PDE7B: variants seen among roughly 807,000 people sequenced by gnomAD.
PDE7B encodes the protein phosphodiesterase 7B.
Under a neutral mutation model 56.2 loss-of-function variants are expected in PDE7B, and 29 were observed. The ratio of observed to expected loss-of-function variants is 0.52; its 90% CI spans 0.38 to 0.70. The LOEUF (loss-of-function observed/expected upper bound fraction) is 0.70, where lower values mean the gene tolerates loss of function less well. Among genes scored for constraint, PDE7B ranks in the 30% least tolerant of loss-of-function variants. The pLI, the probability that PDE7B is intolerant of heterozygous loss-of-function variation, is 0.00. For synonymous variants in PDE7B, 197 were observed against 196.9 expected (o/e 1.00, Z 0.00); for missense variants, 490 against 565.0 (o/e 0.87, Z 1.35).
chr6:135,992,210 TAAA>T (rs11286794), intron 2 of PDE7B, among the ~76,000 whole-genome samples: 11 of 142,410 alleles, frequency 7.7e-5, no homozygotes, highest in African/African-American at 2.0e-4. Context: ...CCTGATGAGC[TAAA>T]AAAAAAAAAA....
At chr6:136,125,696 A>G (rs1025660941) in intron 3 of PDE7B, among the ~76,000 whole-genome samples, 1 of 152,206 alleles carries the variant, frequency 6.6e-6, no homozygotes, top group African/African-American at 2.4e-5. Flanking sequence ...ACTAAAGGCA[A>G]GAGCATGACT....
chr6:135,934,876 A>AATATTTATTTAAATATATAT (rs1432053322), intron 1 of PDE7B, among the ~76,000 whole-genome samples: 5 of 99,190 alleles, frequency 5.0e-5, no homozygotes, highest in African/African-American at 2.0e-4. Flanking sequence ...AATATATATA[A>AATATTTATTTAAATATATAT]ATATTTATTT....
At chr6:136,068,517 G>T (rs1391394253) in intron 2 of PDE7B, among the ~76,000 whole-genome samples, 1 of 136,696 alleles carries the variant, frequency 7.3e-6, no homozygotes, top group Non-Finnish European at 1.5e-5. Flanking sequence ...TGCAAGCTCC[G>T]CCTCCCGGGT....
intron 2 of PDE7B, among the ~76,000 whole-genome samples, chr6:135,980,592 C>T (rs1207040947): frequency 4.0e-5 from 6 of 151,782 alleles, no homozygotes; most frequent in Non-Finnish European, 7.4e-5. Flanking sequence ...AACAAATTTA[C>T]AAGAAACAAC....
At chr6:135,870,413 G>C (rs911512656) in intron 1 of PDE7B, among the ~76,000 whole-genome samples, 1 of 151,908 alleles carries the variant, frequency 6.6e-6, no homozygotes, top group Non-Finnish European at 1.5e-5. Context: ...GCCTACCTTA[G>C]AGGATTGCCA....
rs551780671 is a variant in PDE7B, at chr6:135,912,109, C to T, written c.22-35355C>T. Among the ~76,000 whole-genome samples the T allele has an allele frequency of 3.2e-4, 49 of 152,262 alleles. No individual in the cohort carries two copies. In the South Asian group the frequency reaches 8.9e-3, roughly 28 times the overall value. On this transcript the variant is annotated intron_variant, in intron 1 of 12. Coordinates refer to ENST00000308191, the MANE Select transcript of PDE7B (RefSeq NM_018945.4). ...TAGCCCTCACTTTCCACCACACACA[C>T]GTTAACACATGTAAATGTCCATGCA... is the stretch of plus-strand genomic sequence containing the variant.
chr6:135,890,856 C>T (rs887041808), intron 1 of PDE7B, among the ~76,000 whole-genome samples: 15 of 152,070 alleles, frequency 9.9e-5, no homozygotes, highest in African/African-American at 3.6e-4. Flanking sequence ...GCTGCTCTAC[C>T]CATGAGTATC....
At chr6:135,968,055 G>A (rs957946941) in intron 2 of PDE7B, among the ~76,000 whole-genome samples, 15 of 152,172 alleles carry the variant, frequency 9.9e-5, no homozygotes, top group African/African-American at 3.1e-4. Flanking sequence ...AACAAATGAC[G>A]CAAGCATCTC....
At position 135,881,780 on chromosome 6, in the gene PDE7B, T is replaced by A. The variant is rs554618749; in HGVS notation, c.21+29761T>A. The stretch of plus-strand genomic sequence containing the variant: ...TTTCTCTACATTACATGGGATTTTA[T>A]TTTAGAAGAACTCAAAATACTCTAG... On this transcript the variant is annotated intron_variant, in intron 1 of 12. Coordinates refer to ENST00000308191, the MANE Select transcript of PDE7B (RefSeq NM_018945.4). Among the ~76,000 whole-genome samples, 3 of 152,328 alleles carry A rather than the reference T, an allele frequency of 2.0e-5. No homozygotes were observed. The South Asian group carries it at 6.2e-4, about 32-fold the overall frequency.
chr6:136,087,230 A>G (rs1448969929), intron 2 of PDE7B, among the ~76,000 whole-genome samples: 1 of 152,206 alleles, frequency 6.6e-6, no homozygotes, highest in Non-Finnish European at 1.5e-5. Context: ...AACACATCCA[A>G]GTGAATTTCA....
intron 8 of PDE7B, among the ~76,000 whole-genome samples, chr6:136,165,295 G>T (rs574674980): frequency 8.9e-4 from 135 of 152,294 alleles, no homozygotes; most frequent in African/African-American, 3.0e-3. Flanking sequence ...GTGTGTATGT[G>T]TGTTTCCAAC....
chr6:135,902,389 A>G (rs1305375604), intron 1 of PDE7B, among the ~76,000 whole-genome samples: 3 of 152,044 alleles, frequency 2.0e-5, no homozygotes, highest in African/African-American at 4.8e-5. Flanking sequence ...CTCAACTCAA[A>G]TTACACAATT....
intron 1 of PDE7B, among the ~76,000 whole-genome samples, chr6:135,906,810 GTTTTTTTTTT>G (rs869049424): frequency 8.4e-5 from 5 of 59,506 alleles, no homozygotes; most frequent in African/African-American, 2.1e-4. Flanking sequence ...AATGAGGTTT[GTTTTTTTTTT>G]TTTTTTTTTT....
chr6:135,999,564 C>G (rs1775629574), intron 2 of PDE7B, among the ~76,000 whole-genome samples: 1 of 151,890 alleles, frequency 6.6e-6, no homozygotes, highest in Non-Finnish European at 1.5e-5. Flanking sequence ...GCCTCCAGTT[C>G]CACCCATGTT....
At chr6:136,064,357 CT>C (rs2128213024) in intron 2 of PDE7B, 1 of 152,286 alleles carries the variant, frequency 6.6e-6, no homozygotes, top group African/African-American at 2.4e-5. Flanking sequence ...GTTTTTTAAT[CT>C]CTTAAATGCA....
intron 8 of PDE7B, 114 bp from the exon 9 acceptor site, chr6:136,173,683 G>C: frequency 1.4e-6 from 1 of 716,102 alleles, no homozygotes; most frequent in South Asian, 1.6e-5. Context: ...CTGCCTCTGG[G>C]TCATCAAGTA....
intron 1 of PDE7B, among the ~76,000 whole-genome samples, chr6:135,880,576 G>T (rs915765679): frequency 3.3e-5 from 5 of 152,140 alleles, no homozygotes; most frequent in African/African-American, 1.2e-4. Context: ...AGGATTGAAA[G>T]CAACGCTTGA....
rs185039798 is a variant in PDE7B at position 135,921,625 on chromosome 6, A to G, written c.22-25839A>G. ...TAATTCTTTATAAAAACAGGTTTCC[A>G]TTTTCTTTAAGAAACAAGGCTGATT... is the stretch of plus-strand genomic sequence containing the variant. On this transcript the variant is annotated intron_variant, in intron 1 of 12. Coordinates refer to ENST00000308191, the MANE Select transcript of PDE7B (RefSeq NM_018945.4). 3.9e-3 allele frequency among the ~76,000 whole-genome samples: 595 copies of G among 152,172 alleles called. 5 individuals carry two copies. Among genetic ancestry groups the G allele is most frequent in the African/African-American group, 0.014 (579 of 41,544 alleles).
In PDE7B at chr6:135,851,924, A is replaced by G; in HGVS notation, c.-75A>G. ...ATGAAGTTGCTGGATTCTGCAGCAC[A>G]AGTCTTCATGAACAAGCAGCACCGC... On this transcript the variant is annotated 5_prime_UTR_variant, in exon 1 of 13. Coordinates refer to ENST00000308191, the MANE Select transcript of PDE7B (RefSeq NM_018945.4). 9.8e-7 allele frequency: 1 copy of G among 1,020,340 alleles called. No individual in the cohort carries two copies. Among genetic ancestry groups the G allele is most frequent in the Non-Finnish European group, 1.6e-6 (1 of 641,356 alleles). The allele number at this position is 1,020,340 out of a possible 1,614,324, so 63.2% of individuals were successfully genotyped here.
Sources: allele counts gnomAD v4.1 joint callset (sites outside exome capture counted in the v4.1 genomes callset), GRCh38; gene constraint gnomAD v4.1.1; transcripts MANE v1.5; gene names NCBI Gene and HGNC (gene_info 2026-07-23, HGNC 2026-07-21).